The following OSBPL8 variants were observed in gnomAD, a reference collection of about 807,000 sequenced individuals.
The protein encoded by OSBPL8 is oxysterol binding protein like 8.
A neutral mutation model predicts 125.5 loss-of-function variants in OSBPL8; 59 were observed. The observed-to-expected ratio is 0.47, with a 90% CI of 0.38 to 0.58. The LOEUF is 0.58. OSBPL8 is among the 20% of genes least tolerant of loss of function. The pLI is 0.00. For synonymous variants in OSBPL8, 330 were observed against 338.9 expected, an observed-to-expected ratio of 0.97 and a Z score of 0.29; for missense variants, 758 against 1,047.8, an observed-to-expected ratio of 0.72 and a Z score of 3.82.
chr12:76,486,991 C>G (rs1187816658), intron 2 of OSBPL8, among the ~76,000 whole-genome samples: 1 of 149,492 alleles, frequency 6.7e-6, no homozygotes, highest in Non-Finnish European at 1.5e-5. Context: ...CTGGTGTGCT[C>G]CAACAAACTT....
At chr12:76,449,697 C>A (rs537773947) in intron 4 of OSBPL8, among the ~76,000 whole-genome samples, 1 of 152,196 alleles carries the variant, frequency 6.6e-6, no homozygotes, top group South Asian at 2.1e-4. Flanking sequence ...ATACATAAAG[C>A]CCTTCTCTGT....
At chr12:76,452,825 T>A (rs1368924596) in intron 3 of OSBPL8, among the ~76,000 whole-genome samples, 1 of 152,186 alleles carries the variant, frequency 6.6e-6, no homozygotes, top group Non-Finnish European at 1.5e-5. Context: ...TTTTGCCCAG[T>A]CACAGGGCTT....
chr12:76,410,409 C>T (rs1224114451), intron 5 of OSBPL8, among the ~76,000 whole-genome samples, 155 bp downstream of exon 5: 5 of 151,992 alleles, frequency 3.3e-5, no homozygotes, highest in Admixed American at 1.3e-4. Flanking sequence ...TTATATTAGC[C>T]CCAATGGAAC....
chr12:76,356,037 A>G lies in OSBPL8; in HGVS notation c.2538-16T>C, dbSNP rs1268779189. 1.9e-6 allele frequency: 3 copies of G among 1,600,472 alleles called. No individual in the cohort carries two copies. The highest frequency in any genetic ancestry group is 2.6e-6 in the Non-Finnish European group (3 of 1,175,234). ...CATAATATTTCTATAAAAATAAGCA[A>G]CAACAAATTTTGTAATGATTTGCCA... On this transcript the variant is annotated splice_polypyrimidine_tract_variant and intron_variant, in intron 23 of 23. Coordinates refer to ENST00000261183, the MANE Select transcript of OSBPL8 (RefSeq NM_020841.5).
At chr12:76,359,444 C>T (rs575473308) in intron 21 of OSBPL8, among the ~76,000 whole-genome samples, 1 of 152,222 alleles carries the variant, frequency 6.6e-6, no homozygotes, top group East Asian at 1.9e-4. Context: ...TCAACTATGA[C>T]TAAATTTTCC....
At chr12:76,471,213 G>T (rs1219705074) in intron 2 of OSBPL8, among the ~76,000 whole-genome samples, 1 of 152,082 alleles carries the variant, frequency 6.6e-6, no homozygotes, top group Non-Finnish European at 1.5e-5. Flanking sequence ...ATTATAGAAA[G>T]GATTAAATGA....
In OSBPL8 at chr12:76,472,573, T is replaced by TA. The variant is rs775113178; in HGVS notation, c.43-12679dup. On this transcript the variant is annotated intron_variant, in intron 2 of 23. Transcript: ENST00000261183. ...TTGGATACAAGACAAAGGGGCAGGG[T>TA]AAGGAGTGTGAGCCATCTCCAATGA... 1.8e-3 allele frequency among the ~76,000 whole-genome samples: 274 copies of TA among 152,062 alleles called. 2 individuals are homozygous for TA. Among genetic ancestry groups the TA allele is most frequent in the Non-Finnish European group, 3.0e-3 (203 of 67,978 alleles).
chr12:76,427,856 T>G (rs893323089), intron 4 of OSBPL8, among the ~76,000 whole-genome samples: 1 of 152,068 alleles, frequency 6.6e-6, no homozygotes, highest in African/African-American at 2.4e-5. Flanking sequence ...CACCACACAT[T>G]GTTAAGTTGA....
intron 9 of OSBPL8, among the ~76,000 whole-genome samples, chr12:76,393,058 C>G (rs1414259933): frequency 6.6e-6 from 1 of 152,120 alleles, no homozygotes; most frequent in Non-Finnish European, 1.5e-5. Flanking sequence ...AGGTATCAAG[C>G]AAGGTACATA....
intron 15 of OSBPL8, among the ~76,000 whole-genome samples, chr12:76,380,846 A>G (rs1408579298): frequency 6.6e-6 from 1 of 152,136 alleles, no homozygotes; most frequent in Non-Finnish European, 1.5e-5. Context: ...AAATTATTCA[A>G]TTTTCACCTT....
intron 22 of OSBPL8, 80 bp from the exon 23 acceptor site, chr12:76,356,808 T>A (rs1028216464): frequency 1.1e-6 from 1 of 951,912 alleles, no homozygotes; most frequent in Non-Finnish European, 1.6e-6. Flanking sequence ...TAATAAAAAT[T>A]TTCCTGGGCA....
intron 3 of OSBPL8, among the ~76,000 whole-genome samples, chr12:76,458,829 C>T (rs1208127501): frequency 1.3e-5 from 2 of 151,984 alleles, no homozygotes; most frequent in East Asian, 3.9e-4. Context: ...TTAGAAGAAA[C>T]CTTTACCATT....
chr12:76,395,399 A>G (rs1196069230), intron 8 of OSBPL8, among the ~76,000 whole-genome samples: 1 of 152,228 alleles, frequency 6.6e-6, no homozygotes, highest in African/African-American at 2.4e-5. Flanking sequence ...TTTGATACAA[A>G]AGCATAATTT....
At chr12:76,548,285 A>G (rs1158744278) in intron 1 of OSBPL8, among the ~76,000 whole-genome samples, 1 of 152,218 alleles carries the variant, frequency 6.6e-6, no homozygotes, top group Admixed American at 6.5e-5. Context: ...TAACAAGCGG[A>G]AAAAGCCACA....
At chr12:76,375,923 T>C (rs1952803385) in intron 16 of OSBPL8, among the ~76,000 whole-genome samples, 1 of 152,202 alleles carries the variant, frequency 6.6e-6, no homozygotes, top group Admixed American at 6.5e-5. Context: ...TGTTAAAAGC[T>C]ACGTTTAGGC....
intron 1 of OSBPL8, among the ~76,000 whole-genome samples, chr12:76,520,378 C>T (rs1238411186): frequency 6.6e-6 from 1 of 152,154 alleles, no homozygotes; most frequent in South Asian, 2.1e-4. Flanking sequence ...TGCCTCCCCC[C>T]ATTAGATCCA....
rs138682078 is a variant in OSBPL8, at chr12:76,358,767, C to A, written c.2373G>T (p.Lys791Asn). The A allele has an allele frequency of 3.1e-6, 5 of 1,613,946 alleles. No homozygotes were observed. The highest frequency in any genetic ancestry group is 4.5e-5 in the East Asian group (2 of 44,864). ...GGGAGGAATAGCCTTTTGCTACTTT[C>A]TTCTGTTGCCTGGTTGGCTTATGTT... Reference protein sequence around the residue: ...KMKHKPTRQQKKVAKGYSSPE... With the variant: ...KMKHKPTRQQNKVAKGYSSPE... The change falls in exon 22 of 24, where the codon AAG (lysine) becomes AAT (asparagine). Residue 791 changes from lysine (K) to asparagine (N), a missense_variant. Physicochemically the swap from Lys to Asn is moderately conservative, Grantham distance 94 (BLOSUM62 0). Transcript: ENST00000261183.
intron 1 of OSBPL8, among the ~76,000 whole-genome samples, chr12:76,504,706 A>G (rs1880242505): frequency 6.6e-6 from 1 of 152,272 alleles, no homozygotes; most frequent in Non-Finnish European, 1.5e-5. Context: ...CCTTTCCAAA[A>G]GTAAACTGCC....
intron 1 of OSBPL8, among the ~76,000 whole-genome samples, chr12:76,558,980 C>T (rs1316047326): frequency 6.6e-6 from 1 of 152,200 alleles, no homozygotes; most frequent in Non-Finnish European, 1.5e-5. Context: ...GCGGCACAGC[C>T]TTCTCTGGGG....
Sources: allele counts gnomAD v4.1 joint callset (sites outside exome capture counted in the v4.1 genomes callset), GRCh38; gene constraint gnomAD v4.1.1; transcripts MANE v1.5; gene names NCBI Gene and HGNC (gene_info 2026-07-23, HGNC 2026-07-21).